INPP5F: variants seen among roughly 807,000 people sequenced by gnomAD.
INPP5F encodes phosphatidylinositide 4-phosphatase SAC2.
In INPP5F, 97 loss-of-function variants were observed where a neutral mutation model predicts 137.2. The ratio of observed to expected loss-of-function variants is 0.71; its 90% CI spans 0.60 to 0.84. INPP5F has a LOEUF of 0.84. INPP5F is among the 40% of genes least tolerant of loss of function. INPP5F has a pLI of 0.00. For synonymous variants in INPP5F, 504 were observed against 476.9 expected (o/e 1.06, Z -0.74); for missense variants, 1,271 against 1,371.9 (o/e 0.93, Z 1.16).
chr10:119,799,452 A>C (rs1850506616), intron 9 of INPP5F: 2 of 228,482 alleles, frequency 8.8e-6, no homozygotes, highest in African/African-American at 4.6e-5. Flanking sequence ...TGTTCCTGGA[A>C]GGGAAGTCTC....
At position 119,822,498 on chromosome 10, in the gene INPP5F, G is replaced by T; in HGVS notation, c.2026G>T (p.Glu676Ter). The change falls in exon 17 of 20, where the codon GAA (glutamate) becomes TAA (stop). Residue 676 changes from glutamate (E) to a stop codon, truncating the protein, a stop_gained. Coordinates refer to ENST00000650623, the MANE Select transcript of INPP5F (RefSeq NM_014937.4). LOFTEE classifies it high-confidence loss of function. ...RLSLENLEKI[E>*]IGPEPTLFGK... is the part of the protein sequence containing the mutation. ...AAGTCTAGAAAACCTGGAAAAAATT[G>T]AAATAGGTAAGTTTTAACATACTAA... 2.7e-6 allele frequency: 4 copies of T among 1,474,592 alleles called. No homozygotes were observed. The South Asian group carries it at 3.7e-5, about 14-fold the overall frequency. 91.3% of individuals were successfully genotyped at this position (1,474,592 alleles called of 1,614,324 possible).
At chr10:119,789,206 C>G (rs539865272) in intron 3 of INPP5F, among the ~76,000 whole-genome samples, 3 of 144,896 alleles carry the variant, frequency 2.1e-5, no homozygotes, top group Non-Finnish European at 4.5e-5. Context: ...GCCTGGGCAA[C>G]AAGAGCGAAA....
At chr10:119,740,737 T>C (rs1012457192) in intron 1 of INPP5F, among the ~76,000 whole-genome samples, 3 of 152,094 alleles carry the variant, frequency 2.0e-5, no homozygotes, top group African/African-American at 7.2e-5. Context: ...GAGACAGGGT[T>C]TCACCATGTT....
At chr10:119,763,390 G>T (rs1406601615) in intron 2 of INPP5F, among the ~76,000 whole-genome samples, 1 of 152,170 alleles carries the variant, frequency 6.6e-6, no homozygotes, top group Non-Finnish European at 1.5e-5. Flanking sequence ...TGCAGTCCCT[G>T]CCTACCCCTT....
intron 1 of INPP5F, among the ~76,000 whole-genome samples, chr10:119,727,157 T>G (rs894192290): frequency 1.3e-5 from 2 of 152,200 alleles, no homozygotes; most frequent in East Asian, 1.9e-4. Flanking sequence ...TGGGGCTGGG[T>G]GGCACCTGCC....
intron 7 of INPP5F, among the ~76,000 whole-genome samples, 176 bp downstream of exon 7, chr10:119,797,089 A>G (rs1850411470): frequency 6.6e-6 from 1 of 152,154 alleles, no homozygotes; most frequent in African/African-American, 2.4e-5. Context: ...AGGGGTGAAT[A>G]AGAGAGAGTT....
chr10:119,784,033 T>C (rs1849794283), intron 3 of INPP5F, among the ~76,000 whole-genome samples: 1 of 152,354 alleles, frequency 6.6e-6, no homozygotes, highest in South Asian at 2.1e-4. Flanking sequence ...TAATCCTGTT[T>C]TATGGTAAAG....
intron 2 of INPP5F, among the ~76,000 whole-genome samples, chr10:119,759,849 C>G (rs746882170): frequency 7.9e-5 from 12 of 152,176 alleles, no homozygotes; most frequent in Non-Finnish European, 1.5e-4. Context: ...CTTTTCTTCT[C>G]TCCTCAGGTA....
At chr10:119,767,331 A>G (rs1849204582) in intron 2 of INPP5F, among the ~76,000 whole-genome samples, 1 of 152,136 alleles carries the variant, frequency 6.6e-6, no homozygotes, top group Non-Finnish European at 1.5e-5. Flanking sequence ...TTGGTATTCT[A>G]AGTCCTTTCA....
intron 6 of INPP5F, among the ~76,000 whole-genome samples, chr10:119,794,967 G>A (rs1238399425): frequency 2.2e-5 from 3 of 136,940 alleles, no homozygotes; most frequent in African/African-American, 8.2e-5. Flanking sequence ...CTTCCCAGTA[G>A]GGGTGGCCGG....
chr10:119,820,830 T>C lies in INPP5F; in HGVS notation c.1887-16T>C, dbSNP rs1390800701. 1.3e-6 allele frequency: 2 copies of C among 1,579,246 alleles called. No individual in the cohort carries two copies. On this transcript the variant is annotated splice_polypyrimidine_tract_variant and intron_variant, in intron 15 of 19. Coordinates refer to ENST00000650623, the MANE Select transcript of INPP5F (RefSeq NM_014937.4). ...GGAAATGAAAATACTTAATCTCCTGTGTCATATTTGTTTAGCCTCATTGAT... is the reference window on the plus strand; with the variant it reads ...GGAAATGAAAATACTTAATCTCCTGCGTCATATTTGTTTAGCCTCATTGAT...
intron 6 of INPP5F, among the ~76,000 whole-genome samples, chr10:119,792,525 C>T (rs1024173080): frequency 6.6e-6 from 1 of 151,530 alleles, no homozygotes; most frequent in Non-Finnish European, 1.5e-5. Flanking sequence ...TTCTTTCTAC[C>T]CATTGGGAAT....
rs571884071 is a variant in INPP5F at position 119,784,391 on chromosome 10, C to G, written c.315+2620C>G. ...GTTTTGCACTTTTACATATTTCCCTCTAGTCTTATTATTTTTTTAAGAACA... is the reference window on the plus strand; with the variant it reads ...GTTTTGCACTTTTACATATTTCCCTGTAGTCTTATTATTTTTTTAAGAACA... On this transcript the variant is annotated intron_variant, in intron 3 of 19. Transcript: ENST00000650623. Among the ~76,000 whole-genome samples, 312 of 152,270 alleles carry G rather than the reference C, an allele frequency of 2.0e-3. 1 individual carries two copies. The highest frequency in any genetic ancestry group is 7.2e-3 in the African/African-American group (300 of 41,544).
chr10:119,819,553 C>T (rs778953955), intron 15 of INPP5F: 75 of 1,586,554 alleles, frequency 4.7e-5, no homozygotes, highest in Non-Finnish European at 5.8e-5. Context: ...AGTATCAACG[C>T]GTAAAACTTA....
intron 2 of INPP5F, among the ~76,000 whole-genome samples, chr10:119,762,802 G>A (rs1345338615): frequency 6.6e-6 from 1 of 152,062 alleles, no homozygotes; most frequent in Non-Finnish European, 1.5e-5. Context: ...GAATTTGTGG[G>A]CACATAAACA....
At chr10:119,743,825 C>T (rs1324925569) in intron 1 of INPP5F, among the ~76,000 whole-genome samples, 1 of 151,998 alleles carries the variant, frequency 6.6e-6, no homozygotes, top group East Asian at 1.9e-4. Context: ...AATGTTATAC[C>T]AACTAGACTT....
chr10:119,821,864 C>CTTTTTTTTTTT (rs11347174), intron 16 of INPP5F, among the ~76,000 whole-genome samples: 3 of 88,150 alleles, frequency 3.4e-5, no homozygotes, highest in Non-Finnish European at 4.4e-5. Flanking sequence ...CTTGTAGTTG[C>CTTTTTTTTTTT]TTTTTTTTTT....
At chr10:119,767,107 G>GAAAAAAAAAAAAAAAAAA (rs35875262) in intron 2 of INPP5F, among the ~76,000 whole-genome samples, 1 of 40,540 alleles carries the variant, frequency 2.5e-5, no homozygotes, top group Non-Finnish European at 4.0e-5. Context: ...TCTGTCTCCA[G>GAAAAAAAAAAAAAAAAAA]AAAAAAAAAA....
Position 119,827,277 on chromosome 10 carries a change from G to C in INPP5F, c.2896G>C (p.Asp966His), listed in dbSNP as rs1442713261. ...MDIYCHRFVQ[D>H]AQNKVTHLSE... ...TATTTACTGCCACAGATTTGTGCAA[G>C]ATGCACAGAACAAAGTGACCCACCT... is the stretch of plus-strand genomic sequence containing the variant. The change falls in exon 20 of 20, where the codon GAT (aspartate) becomes CAT (histidine). Residue 966 changes from aspartate (D) to histidine (H), a missense_variant. Transcript: ENST00000650623. 1.2e-6 allele frequency: 2 copies of C among 1,614,036 alleles called. No individual in the cohort carries two copies. The highest frequency in any genetic ancestry group is 2.7e-5 in the African/African-American group (2 of 74,926).
Sources: allele counts gnomAD v4.1 joint callset (sites outside exome capture counted in the v4.1 genomes callset), GRCh38; gene constraint gnomAD v4.1.1; transcripts MANE v1.5; gene names NCBI Gene and HGNC (gene_info 2026-07-23, HGNC 2026-07-21).